LPAR3: variants seen among roughly 807,000 people sequenced by gnomAD.
LPAR3 encodes the protein LPA receptor 3.
A neutral mutation model predicts 17.8 loss-of-function variants in LPAR3; 7 were observed. The observed-to-expected ratio is 0.39, with a 90% CI of 0.22 to 0.74. The LOEUF is 0.74. Among genes scored for constraint, LPAR3 ranks in the 30% least tolerant of loss-of-function variants. LPAR3 has a pLI of 0.40. For missense variants in LPAR3, 391 were observed against 453.4 expected, an observed-to-expected ratio of 0.86 and a Z score of 1.25; for synonymous variants, 179 against 179.9, an observed-to-expected ratio of 0.99 and a Z score of 0.04.
intron 2 of LPAR3, among the ~76,000 whole-genome samples, chr1:84,858,299 T>C (rs1207950863): frequency 6.6e-6 from 1 of 151,894 alleles, no homozygotes; most frequent in East Asian, 1.9e-4. Flanking sequence ...CTGGGCAACA[T>C]GGCGAAACTC....
At chr1:84,870,991 T>C (rs1348834703) in intron 1 of LPAR3, among the ~76,000 whole-genome samples, 1 of 152,254 alleles carries the variant, frequency 6.6e-6, no homozygotes, top group Non-Finnish European at 1.5e-5. Context: ...GGCCTTTTTT[T>C]TTCTTAACCC....
intron 2 of LPAR3, among the ~76,000 whole-genome samples, chr1:84,827,537 G>C (rs185346033): frequency 1.5e-4 from 23 of 152,150 alleles, no homozygotes; most frequent in Admixed American, 8.5e-4. Context: ...TTGACCAACT[G>C]TCACCACCAT....
At chr1:84,848,992 C>T (rs1659644597) in intron 2 of LPAR3, among the ~76,000 whole-genome samples, 1 of 152,136 alleles carries the variant, frequency 6.6e-6, no homozygotes, top group African/African-American at 2.4e-5. Flanking sequence ...AACATCAGGC[C>T]TAACTGTAAG....
chr1:84,846,873 A>C (rs1429893356), intron 2 of LPAR3, among the ~76,000 whole-genome samples: 1 of 152,124 alleles, frequency 6.6e-6, no homozygotes, highest in African/African-American at 2.4e-5. Flanking sequence ...GAAGAAATGT[A>C]TTTTTTAAAT....
At chr1:84,840,472 C>T (rs1284079791) in intron 2 of LPAR3, among the ~76,000 whole-genome samples, 1 of 152,134 alleles carries the variant, frequency 6.6e-6, no homozygotes, top group Non-Finnish European at 1.5e-5. Context: ...CAAAAACCAA[C>T]AATGGCAGAT....
At chr1:84,845,654 G>A (rs1002102942) in intron 2 of LPAR3, among the ~76,000 whole-genome samples, 3 of 152,104 alleles carry the variant, frequency 2.0e-5, no homozygotes, top group African/African-American at 2.4e-5. Context: ...TTTTAATTAC[G>A]CTCAAACCTT....
rs1206774677 is a variant in LPAR3 at position 84,813,158 on chromosome 1, T to TATATATATATATATAGAGAGAGAGAGAG, written c.*687_*688insCTCTCTCTCTCTCTATATATATATATAT. 4.9e-5 allele frequency: 5 copies of TATATATATATATATAGAGAGAGAGAGAG among 101,680 alleles called. No homozygotes were observed. Among genetic ancestry groups the TATATATATATATATAGAGAGAGAGAGAG allele is most frequent in the African/African-American group, 1.1e-4 (3 of 27,156 alleles). 6.3% of individuals were successfully genotyped at this position (101,680 alleles called of 1,614,324 possible). On this transcript the variant is annotated 3_prime_UTR_variant, in exon 3 of 3. Coordinates refer to ENST00000370611, the MANE Select transcript of LPAR3 (RefSeq NM_012152.3). ...ATATATATATATATATATATATATATAGACACACACACACACACACACACA... is the reference window on the plus strand; with the variant it reads ...ATATATATATATATATATATATATATATATATATATATATAGAGAGAGAGAGAGAGACACACACACACACACACACACA...
At chr1:84,856,419 T>C (rs975742468) in intron 2 of LPAR3, among the ~76,000 whole-genome samples, 1 of 152,234 alleles carries the variant, frequency 6.6e-6, no homozygotes, top group Non-Finnish European at 1.5e-5. Flanking sequence ...TTTTAACAGA[T>C]ATTTGATTAC....
intron 1 of LPAR3, among the ~76,000 whole-genome samples, chr1:84,883,872 A>G (rs1660410609): frequency 6.6e-6 from 1 of 152,242 alleles, no homozygotes; most frequent in South Asian, 2.1e-4. Flanking sequence ...TAGAAGAAAT[A>G]TAATTGCAGA....
intron 2 of LPAR3, among the ~76,000 whole-genome samples, chr1:84,814,539 A>G (rs923970431): frequency 6.6e-6 from 1 of 152,202 alleles, no homozygotes; most frequent in African/African-American, 2.4e-5. Flanking sequence ...TTGGACAGAT[A>G]AGAAAACCAA....
At chr1:84,883,787 A>T (rs1660408105) in intron 1 of LPAR3, among the ~76,000 whole-genome samples, 1 of 150,972 alleles carries the variant, frequency 6.6e-6, no homozygotes, top group South Asian at 2.1e-4. Flanking sequence ...CTGCCACCTG[A>T]CCCCCAGAGA....
At position 84,818,932 on chromosome 1, in the gene LPAR3, C is replaced by T. The variant is rs72718704; in HGVS notation, c.737-4761G>A. 2.8e-3 allele frequency among the ~76,000 whole-genome samples: 427 copies of T among 152,170 alleles called. 1 individual carries two copies. The highest frequency in any genetic ancestry group is 6.0e-3 in the South Asian group (29 of 4,814). Reference sequence around the variant, plus strand: ...CTTTGTTTCATTTTTTTCTATGTTTCGCTTTTTTCCCCCTCTCTTTTTTCG... The same window carrying T: ...CTTTGTTTCATTTTTTTCTATGTTTTGCTTTTTTCCCCCTCTCTTTTTTCG... On this transcript the variant is annotated intron_variant, in intron 2 of 2. Transcript: ENST00000370611.
rs191468001 is a variant in LPAR3, at chr1:84,829,294, T to C, written c.737-15123A>G. On this transcript the variant is annotated intron_variant, in intron 2 of 2. Transcript: ENST00000370611. ...TTAATTCATCTAGAGGTAACTTCCA[T>C]GTATAAGGTGCTGTCTAGTTCCCCT... 9.9e-5 allele frequency among the ~76,000 whole-genome samples: 15 copies of C among 151,638 alleles called. No homozygotes were observed. In the East Asian group the frequency reaches 2.7e-3, roughly 28 times the overall value.
At chr1:84,817,261 T>TCACACACACACACACACACACA (rs71097861) in intron 2 of LPAR3, among the ~76,000 whole-genome samples, 10 of 147,530 alleles carry the variant, frequency 6.8e-5, no homozygotes, top group Non-Finnish European at 1.2e-4. Context: ...CCAGGATCTA[T>TCACACACACACACACACACACA]CACACACACA....
At chr1:84,876,385 A>G (rs970474475) in intron 1 of LPAR3, among the ~76,000 whole-genome samples, 1 of 152,066 alleles carries the variant, frequency 6.6e-6, no homozygotes, top group Non-Finnish European at 1.5e-5. Context: ...GCTTCTGCCA[A>G]TGAGAGGAAC....
intron 2 of LPAR3, among the ~76,000 whole-genome samples, chr1:84,820,770 GGT>G (rs965340293): frequency 2.6e-5 from 4 of 152,224 alleles, no homozygotes; most frequent in Admixed American, 1.3e-4. Flanking sequence ...CATCTAGAAT[GGT>G]GTGAGTTATG....
intron 2 of LPAR3, among the ~76,000 whole-genome samples, chr1:84,853,325 T>C (rs1659756990): frequency 6.6e-6 from 1 of 152,150 alleles, no homozygotes. Flanking sequence ...ATGTGACCTG[T>C]GCAGGTGGAC....
chr1:84,816,563 C>A (rs1658937010), intron 2 of LPAR3, among the ~76,000 whole-genome samples: 2 of 152,228 alleles, frequency 1.3e-5, no homozygotes, highest in Middle Eastern at 3.4e-3. Context: ...CTTTGGGAGG[C>A]TGAGGTGGGT....
intron 1 of LPAR3, among the ~76,000 whole-genome samples, chr1:84,883,992 CTAA>C (rs1330581825): frequency 1.3e-5 from 2 of 152,190 alleles, no homozygotes; most frequent in Non-Finnish European, 2.9e-5. Flanking sequence ...TTGCTTTGTG[CTAA>C]TAACTCTTTG....
Sources: gnomAD v4.1 joint callset for allele counts (sites outside exome capture counted in the v4.1 genomes callset) on GRCh38, gnomAD v4.1.1 for gene constraint, MANE v1.5 for transcripts, NCBI Gene and HGNC (gene_info 2026-07-23, HGNC 2026-07-21) for gene names.